The following UST variants were observed in gnomAD, a reference collection of about 807,000 sequenced individuals.
The protein encoded by UST is chondroitin sulfate 2-O-sulfotransferase.
In UST, 21 loss-of-function variants were observed where a neutral mutation model predicts 45.6. The ratio of observed to expected loss-of-function variants is 0.46; its 90% CI spans 0.33 to 0.66. The LOEUF is 0.66. Ranked by LOEUF, UST falls within the 30% of genes least tolerant of loss-of-function variation. The pLI is 0.02. For missense variants in UST, 463 were observed against 512.4 expected (o/e 0.90, Z 0.93); for synonymous variants, 215 against 200.6 (o/e 1.07, Z -0.61).
At chr6:149,039,821 C>T (rs1268313599) in intron 7 of UST, among the ~76,000 whole-genome samples, 1 of 152,220 alleles carries the variant, frequency 6.6e-6, no homozygotes, top group African/African-American at 2.4e-5. Flanking sequence ...GTGGAGGAGT[C>T]CTCTTTTTTT....
intron 5 of UST, among the ~76,000 whole-genome samples, chr6:148,983,935 A>G (rs1781187791): frequency 6.6e-6 from 1 of 152,320 alleles, no homozygotes; most frequent in African/African-American, 2.4e-5. Context: ...CAAACACACG[A>G]TAACATCGAT....
At chr6:149,028,689 G>T (rs1337674117) in intron 7 of UST, among the ~76,000 whole-genome samples, 1 of 152,182 alleles carries the variant, frequency 6.6e-6, no homozygotes, top group East Asian at 1.9e-4. Context: ...TATTACTACA[G>T]TGACATGCTA....
chr6:149,013,191 C>T (rs1191742263), intron 5 of UST, among the ~76,000 whole-genome samples: 2 of 152,124 alleles, frequency 1.3e-5, no homozygotes, highest in African/African-American at 4.8e-5. Flanking sequence ...TGTATTAACT[C>T]GTAAGTTTTG....
At chr6:148,861,355 A>G (rs1778309037) in intron 1 of UST, among the ~76,000 whole-genome samples, 1 of 151,938 alleles carries the variant, frequency 6.6e-6, no homozygotes, top group South Asian at 2.1e-4. Context: ...CCCCTTTATC[A>G]TTTTTTATTG....
chr6:148,977,186 G>C (rs1001259150), intron 5 of UST, among the ~76,000 whole-genome samples: 1 of 150,822 alleles, frequency 6.6e-6, no homozygotes, highest in Non-Finnish European at 1.5e-5. Flanking sequence ...TTTTTCTTTT[G>C]GCTTTTATTT....
At chr6:148,817,516 A>G (rs547378635) in intron 1 of UST, among the ~76,000 whole-genome samples, 1 of 152,308 alleles carries the variant, frequency 6.6e-6, no homozygotes, top group South Asian at 2.1e-4. Context: ...ACATTAAGAA[A>G]TACATTGGTT....
chr6:148,799,144 A>G (rs1777005835), intron 1 of UST, among the ~76,000 whole-genome samples: 1 of 152,186 alleles, frequency 6.6e-6, no homozygotes, highest in African/African-American at 2.4e-5. Context: ...TGCTGGGATT[A>G]CAGGCATGAG....
intron 1 of UST, among the ~76,000 whole-genome samples, chr6:148,852,672 C>T (rs1382246978): frequency 6.6e-6 from 1 of 152,170 alleles, no homozygotes; most frequent in African/African-American, 2.4e-5. Context: ...TTCTCTCTTG[C>T]CAATCCCCAC....
chr6:149,051,038 T>G (rs1471707635), intron 7 of UST, among the ~76,000 whole-genome samples: 3 of 152,160 alleles, frequency 2.0e-5, no homozygotes, highest in African/African-American at 7.2e-5. Context: ...ATACAAGCTC[T>G]GGGAACATCA....
At chr6:148,779,808 G>A (rs1241715343) in intron 1 of UST, among the ~76,000 whole-genome samples, 27 of 152,068 alleles carry the variant, frequency 1.8e-4, no homozygotes, top group Admixed American at 1.8e-3. Flanking sequence ...CCTCCCCTAA[G>A]TCCTGCAGGA....
chr6:148,868,052 A>G (rs1264943962), intron 1 of UST, among the ~76,000 whole-genome samples: 1 of 152,140 alleles, frequency 6.6e-6, no homozygotes, highest in Non-Finnish European at 1.5e-5. Context: ...CAGTCCTGGC[A>G]TCATCACTTC....
chr6:148,914,199 T>C (rs538171035), intron 2 of UST, among the ~76,000 whole-genome samples: 1 of 152,316 alleles, frequency 6.6e-6, no homozygotes, highest in East Asian at 1.9e-4. Context: ...TACATAAGGT[T>C]TGGTTTCTCT....
chr6:148,831,145 C>T (rs1777679519), intron 1 of UST, among the ~76,000 whole-genome samples: 1 of 152,150 alleles, frequency 6.6e-6, no homozygotes, highest in South Asian at 2.1e-4. Flanking sequence ...CAGATCAACA[C>T]ATTGCCCTTT....
At chr6:149,034,834 TTCTCTCTCTC>T (rs60813679) in intron 7 of UST, among the ~76,000 whole-genome samples, 667 of 45,520 alleles carry the variant, frequency 0.015, 9 homozygotes, top group Admixed American at 0.025. Context: ...TTCATGCTCA[TTCTCTCTCTC>T]TCTCTCTCTC....
chr6:149,003,487 T>A (rs887891224), intron 5 of UST, among the ~76,000 whole-genome samples: 26 of 151,950 alleles, frequency 1.7e-4, no homozygotes, highest in African/African-American at 5.6e-4. Context: ...TTATAAATAA[T>A]TCCCAATGGG....
At chr6:148,878,869 A>ATG (rs1325400232) in intron 1 of UST, among the ~76,000 whole-genome samples, 1 of 151,862 alleles carries the variant, frequency 6.6e-6, no homozygotes, top group Non-Finnish European at 1.5e-5. Flanking sequence ...GGGATCATGT[A>ATG]TGAGTGTCTC....
At chr6:148,973,380 C>T (rs528299563) in intron 5 of UST, among the ~76,000 whole-genome samples, 41 of 152,240 alleles carry the variant, frequency 2.7e-4, no homozygotes, top group African/African-American at 8.4e-4. Context: ...TTTAGGTTGA[C>T]GAGGCACTTG....
intron 1 of UST, among the ~76,000 whole-genome samples, chr6:148,882,606 A>G (rs570414165): frequency 6.6e-6 from 1 of 152,206 alleles, no homozygotes; most frequent in South Asian, 2.1e-4. Context: ...AAAGAAAGAA[A>G]GAAGGAAGGG....
At chr6:148,830,573 A>G (rs544133529) in intron 1 of UST, among the ~76,000 whole-genome samples, 3 of 152,338 alleles carry the variant, frequency 2.0e-5, no homozygotes, top group African/African-American at 7.2e-5. Flanking sequence ...GCTAGATGAG[A>G]CCTTAGAGGT....
Sources: allele counts gnomAD v4.1 joint callset (sites outside exome capture counted in the v4.1 genomes callset), GRCh38; gene constraint gnomAD v4.1.1; transcripts MANE v1.5; gene names NCBI Gene and HGNC (gene_info 2026-07-23, HGNC 2026-07-21).